Variants in TTC17 observed in about 807,000 individuals in gnomAD.
TTC17 encodes tetratricopeptide repeat protein 17.
A neutral mutation model predicts 143.8 loss-of-function variants in TTC17; 58 were observed. The ratio of observed to expected loss-of-function variants is 0.40; its 90% CI spans 0.33 to 0.50. TTC17 has a LOEUF of 0.50. Ranked by LOEUF, TTC17 falls within the 20% of genes least tolerant of loss-of-function variation. The pLI is 0.49. For synonymous variants in TTC17, 501 were observed against 497.8 expected (o/e 1.01, Z -0.09); for missense variants, 1,273 against 1,392.5 (o/e 0.91, Z 1.37).
At chr11:43,489,134 C>T (rs1209554816) in intron 21 of TTC17, among the ~76,000 whole-genome samples, 2 of 152,124 alleles carry the variant, frequency 1.3e-5, no homozygotes, top group East Asian at 1.9e-4. Context: ...ACTTCAAACT[C>T]GGGAAGCTTA....
chr11:43,380,989 A>G (rs528704528), intron 2 of TTC17, among the ~76,000 whole-genome samples: 5 of 152,270 alleles, frequency 3.3e-5, no homozygotes, highest in Admixed American at 1.3e-4. Flanking sequence ...TTTTTCAGGT[A>G]TATAGACACA....
chr11:43,474,563 A>G (rs1487478331), intron 21 of TTC17, among the ~76,000 whole-genome samples: 4 of 152,316 alleles, frequency 2.6e-5, no homozygotes, highest in African/African-American at 4.8e-5. Flanking sequence ...AAATGAGCCT[A>G]TGTATTCAGT....
chr11:43,474,401 T>A lies in TTC17; in HGVS notation c.3031-15838T>A, dbSNP rs147022531. 8.3e-4 allele frequency among the ~76,000 whole-genome samples: 126 copies of A among 152,308 alleles called. 1 individual carries two copies. In the East Asian group the frequency reaches 0.013, roughly 16 times the overall value. On this transcript the variant is annotated intron_variant, in intron 21 of 23. Coordinates refer to ENST00000039989, the MANE Select transcript of TTC17 (RefSeq NM_018259.6). ...AATCTTAAAAATATTTTTAAATGGT[T>A]TTCCATAGAGGAAAGAAAATGGGGT...
intron 6 of TTC17, 27 bp downstream of exon 6, chr11:43,396,845 AT>A: frequency 7.0e-7 from 1 of 1,434,286 alleles, no homozygotes; most frequent in Non-Finnish European, 9.8e-7. Context: ...TCTGGACCTG[AT>A]TTTCCACATT....
intron 21 of TTC17, among the ~76,000 whole-genome samples, chr11:43,455,126 T>C (rs965864146): frequency 6.6e-6 from 1 of 151,540 alleles, no homozygotes; most frequent in African/African-American, 2.4e-5. Flanking sequence ...AAAGCCCTCC[T>C]ACCTGGAAAT....
At chr11:43,434,168 GACACAC>G (rs55913890) in intron 16 of TTC17, among the ~76,000 whole-genome samples, 4,900 of 125,148 alleles carry the variant, frequency 0.039, 107 homozygotes, top group Middle Eastern at 0.081. Flanking sequence ...CATGGGCGGG[GACACAC>G]ACACACACAC....
At chr11:43,460,152 C>T (rs1318322546) in intron 21 of TTC17, among the ~76,000 whole-genome samples, 1 of 151,580 alleles carries the variant, frequency 6.6e-6, no homozygotes, top group Non-Finnish European at 1.5e-5. Context: ...AAGCTGGTAA[C>T]GAGAAAGTTT....
At chr11:43,446,767 C>T in intron 18 of TTC17, 1 of 752,812 alleles carries the variant, frequency 1.3e-6, no homozygotes, top group Non-Finnish European at 1.6e-6. Context: ...TTCAGAAAAC[C>T]CTTCCCAGAC....
At chr11:43,421,618 C>T (rs145638677) in intron 16 of TTC17, among the ~76,000 whole-genome samples, 12 of 152,230 alleles carry the variant, frequency 7.9e-5, no homozygotes, top group African/African-American at 1.4e-4. Flanking sequence ...TATGCATGCA[C>T]GGGATCTAGG....
chr11:43,472,285 G>A (rs1433940916), intron 21 of TTC17, among the ~76,000 whole-genome samples: 1 of 152,146 alleles, frequency 6.6e-6, no homozygotes, highest in African/African-American at 2.4e-5. Flanking sequence ...TGAGGCTGCA[G>A]TGAGCTATGA....
intron 1 of TTC17, among the ~76,000 whole-genome samples, chr11:43,362,160 T>TGTGTGG (rs1243727376): frequency 8.1e-6 from 1 of 123,842 alleles, no homozygotes; most frequent in African/African-American, 2.7e-5. Context: ...TGTGTGTGTG[T>TGTGTGG]GTGTGTGTGT....
chr11:43,411,573 C>A (rs1438636620), intron 15 of TTC17, among the ~76,000 whole-genome samples: 1 of 152,124 alleles, frequency 6.6e-6, no homozygotes, highest in Non-Finnish European at 1.5e-5. Context: ...CCTCAATGTT[C>A]AAAACTATGC....
intron 21 of TTC17, among the ~76,000 whole-genome samples, chr11:43,471,487 G>A (rs967825133): frequency 7.9e-5 from 12 of 152,190 alleles, no homozygotes; most frequent in African/African-American, 2.4e-4. Flanking sequence ...GCTGCACCAA[G>A]GCAAAATCAT....
At chr11:43,414,363 T>C (rs1946728619) in intron 15 of TTC17, among the ~76,000 whole-genome samples, 2 of 152,114 alleles carry the variant, frequency 1.3e-5, no homozygotes, top group African/African-American at 2.4e-5. Flanking sequence ...TATATACATA[T>C]ATAATTTATA....
At chr11:43,368,007 G>A (rs759017244) in intron 1 of TTC17, among the ~76,000 whole-genome samples, 2 of 152,200 alleles carry the variant, frequency 1.3e-5, no homozygotes, top group Non-Finnish European at 2.9e-5. Flanking sequence ...CTGAGTAAGG[G>A]AGAGAGAATG....
intron 16 of TTC17, among the ~76,000 whole-genome samples, chr11:43,425,890 G>A (rs1367046141): frequency 2.6e-5 from 4 of 152,106 alleles, no homozygotes; most frequent in Admixed American, 6.5e-5. Flanking sequence ...CCGTTTAGTT[G>A]CCTTTTATAG....
At chr11:43,379,362 T>C in intron 2 of TTC17, 40 bp downstream of exon 2, 1 of 1,542,634 alleles carries the variant, frequency 6.5e-7, no homozygotes, top group South Asian at 1.2e-5. Flanking sequence ...TGATGCTTGT[T>C]GCATTTCACA....
At chr11:43,458,403 G>A (rs1454895208) in intron 21 of TTC17, among the ~76,000 whole-genome samples, 1 of 152,192 alleles carries the variant, frequency 6.6e-6, no homozygotes, top group African/African-American at 2.4e-5. Context: ...GTGAAAAACA[G>A]AATCTGCCTG....
chr11:43,421,649 T>C (rs1275574007), intron 16 of TTC17, among the ~76,000 whole-genome samples: 2 of 152,190 alleles, frequency 1.3e-5, no homozygotes, highest in African/African-American at 2.4e-5. Context: ...CTTATGAGAA[T>C]CTAAAGCCTG....
Sources: allele counts gnomAD v4.1 joint callset (sites outside exome capture counted in the v4.1 genomes callset), GRCh38; gene constraint gnomAD v4.1.1; transcripts MANE v1.5; gene names NCBI Gene and HGNC (gene_info 2026-07-23, HGNC 2026-07-21).